CEP128: variants seen among roughly 807,000 people sequenced by gnomAD.
The protein encoded by CEP128 is centrosomal protein 128.
In CEP128, 132 loss-of-function variants were observed where a neutral mutation model predicts 156.7. That is an observed-to-expected ratio of 0.84 (90% confidence interval 0.73 to 0.97). The LOEUF is 0.97. Ranked by LOEUF, CEP128 falls within the 50% of genes least tolerant of loss-of-function variation. The pLI, the probability that CEP128 is intolerant of heterozygous loss-of-function variation, is 0.00. For synonymous variants in CEP128, 469 were observed against 448.9 expected (o/e 1.04, Z -0.57); for missense variants, 1,252 against 1,281.9 (o/e 0.98, Z 0.36).
At chr14:80,696,308 TC>T (rs967389736) in intron 19 of CEP128, among the ~76,000 whole-genome samples, 1 of 152,152 alleles carries the variant, frequency 6.6e-6, no homozygotes, top group African/African-American at 2.4e-5. Flanking sequence ...TTATAGGATA[TC>T]CAAGCAAACA....
chr14:80,859,657 T>A (rs553615221), intron 9 of CEP128, among the ~76,000 whole-genome samples: 1 of 152,262 alleles, frequency 6.6e-6, no homozygotes, highest in East Asian at 1.9e-4. Context: ...TTCCTGGGCG[T>A]GCATGGCCCT....
intron 9 of CEP128, among the ~76,000 whole-genome samples, chr14:80,848,452 G>A (rs1402905048): frequency 6.6e-6 from 1 of 152,102 alleles, no homozygotes; most frequent in Non-Finnish European, 1.5e-5. Context: ...TTGAGGCCAG[G>A]AGTTTGAGAC....
intron 8 of CEP128, among the ~76,000 whole-genome samples, chr14:80,888,295 C>G (rs953117061): frequency 9.9e-5 from 15 of 152,130 alleles, no homozygotes; most frequent in African/African-American, 3.4e-4. Flanking sequence ...CCAGCATCAT[C>G]CTGATACCAA....
chr14:80,599,369 T>C (rs1000392664), intron 19 of CEP128, among the ~76,000 whole-genome samples: 4 of 149,676 alleles, frequency 2.7e-5, no homozygotes, highest in Non-Finnish European at 5.9e-5. Context: ...GCCTCCCAGG[T>C]TCACGCCATT....
At chr14:80,878,083 C>T (rs545149884) in intron 8 of CEP128, among the ~76,000 whole-genome samples, 13 of 152,256 alleles carry the variant, frequency 8.5e-5, no homozygotes, top group Admixed American at 2.0e-4. Flanking sequence ...CAACACCATG[C>T]CATTGGTGAG....
At chr14:80,649,029 C>G (rs1408896411) in intron 19 of CEP128, among the ~76,000 whole-genome samples, 1 of 152,012 alleles carries the variant, frequency 6.6e-6, no homozygotes, top group Non-Finnish European at 1.5e-5. Context: ...TAAGAAATTA[C>G]AAAATACTGA....
intron 4 of CEP128, among the ~76,000 whole-genome samples, chr14:80,908,197 G>C (rs1398889740): frequency 6.6e-6 from 1 of 151,984 alleles, no homozygotes; most frequent in Non-Finnish European, 1.5e-5. Context: ...GACCCACAGA[G>C]ATCACAAAAT....
chr14:80,855,539 C>G (rs1887107650), intron 9 of CEP128, among the ~76,000 whole-genome samples: 1 of 151,786 alleles, frequency 6.6e-6, no homozygotes. Flanking sequence ...ATATGAATAA[C>G]TGTATGCAAA....
At chr14:80,584,571 G>A (rs910301587) in intron 19 of CEP128, among the ~76,000 whole-genome samples, 2 of 152,102 alleles carry the variant, frequency 1.3e-5, no homozygotes, top group African/African-American at 4.8e-5. Flanking sequence ...CTCGTTAGGT[G>A]CATTGTTCAA....
chr14:80,731,025 T>C (rs575725898), intron 19 of CEP128, among the ~76,000 whole-genome samples: 2 of 152,326 alleles, frequency 1.3e-5, no homozygotes, highest in East Asian at 3.9e-4. Flanking sequence ...TGTTTCTGGA[T>C]AAGCATTTCT....
In CEP128 at chr14:80,783,198, G is replaced by A. The variant is rs563020509; in HGVS notation, c.2211+1697C>T. ...ACAAAAACAAACTAGATTTACCACT[G>A]TTCTCTTCAAATCTTCTATTCTGTC... On this transcript the variant is annotated intron_variant, in intron 15 of 24. Coordinates refer to ENST00000555265, the MANE Select transcript of CEP128 (RefSeq NM_152446.5). Among the ~76,000 whole-genome samples the A allele has an allele frequency of 5.3e-5, 8 of 152,200 alleles. No individual in the cohort carries two copies. In the East Asian group the frequency reaches 1.3e-3, roughly 26 times the overall value.
intron 19 of CEP128, among the ~76,000 whole-genome samples, chr14:80,695,728 A>T (rs1016136350): frequency 1.3e-5 from 2 of 150,510 alleles, no homozygotes; most frequent in African/African-American, 4.9e-5. Context: ...AAAAAAAAAA[A>T]GAAATTGCAG....
intron 19 of CEP128, among the ~76,000 whole-genome samples, chr14:80,665,091 GAAT>G (rs1895558052): frequency 6.6e-6 from 1 of 152,132 alleles, no homozygotes; most frequent in African/African-American, 2.4e-5. Flanking sequence ...CTGATTCTAA[GAAT>G]TATTTAGGTG....
At chr14:80,917,744 T>C (rs565700048) in intron 2 of CEP128, among the ~76,000 whole-genome samples, 1 of 152,346 alleles carries the variant, frequency 6.6e-6, no homozygotes, top group South Asian at 2.1e-4. Context: ...ACATTGATCA[T>C]ACATTTAAGG....
chr14:80,536,298 A>G (rs1451992637), intron 21 of CEP128, among the ~76,000 whole-genome samples: 1 of 152,122 alleles, frequency 6.6e-6, no homozygotes, highest in African/African-American at 2.4e-5. Flanking sequence ...AAAAATGCAC[A>G]TTTATTTTCT....
chr14:80,881,308 T>C (rs547247988), intron 8 of CEP128, among the ~76,000 whole-genome samples: 136 of 152,218 alleles, frequency 8.9e-4, no homozygotes, highest in African/African-American at 2.4e-3. Context: ...TGCCAATATA[T>C]TGGAAAATCT....
At chr14:80,512,826 AAACT>A (rs2140221870) in intron 23 of CEP128, among the ~76,000 whole-genome samples, 1 of 152,236 alleles carries the variant, frequency 6.6e-6, no homozygotes, top group Non-Finnish European at 1.5e-5. Flanking sequence ...AAGAACAAGC[AAACT>A]AACAAACAAG....
intron 19 of CEP128, among the ~76,000 whole-genome samples, chr14:80,682,980 C>T (rs1309906184): frequency 6.6e-6 from 1 of 151,856 alleles, no homozygotes; most frequent in East Asian, 1.9e-4. Context: ...TAGCTAGTTG[C>T]CCACCACCCC....
intron 16 of CEP128, among the ~76,000 whole-genome samples, chr14:80,763,645 C>T (rs1258571532): frequency 6.6e-6 from 1 of 152,010 alleles, no homozygotes; most frequent in Non-Finnish European, 1.5e-5. Flanking sequence ...TAATTTTTTT[C>T]AAATTGTAAT....
Sources: allele counts gnomAD v4.1 joint callset (sites outside exome capture counted in the v4.1 genomes callset), GRCh38; gene constraint gnomAD v4.1.1; transcripts MANE v1.5; gene names NCBI Gene and HGNC (gene_info 2026-07-23, HGNC 2026-07-21).